The following EPG5 variants were observed in gnomAD, a reference collection of about 807,000 sequenced individuals.
The protein encoded by EPG5 is ectopic P granules protein 5 homolog.
In EPG5, 159 loss-of-function variants were observed where a neutral mutation model predicts 302.7. The ratio of observed to expected loss-of-function variants is 0.53; its 90% confidence interval spans 0.46 to 0.60. EPG5 has a LOEUF of 0.60. Ranked by LOEUF, EPG5 falls within the 20% of genes least tolerant of loss-of-function variation. EPG5 has a pLI of 0.00. For missense variants in EPG5, 2,896 were observed against 3,092.4 expected, an observed-to-expected ratio of 0.94 and a Z score of 1.51; for synonymous variants, 1,158 against 1,136.8, an observed-to-expected ratio of 1.02 and a Z score of -0.37.
chr18:45,912,927 A>T (rs1413724943), intron 21 of EPG5, among the ~76,000 whole-genome samples: 1 of 152,088 alleles, frequency 6.6e-6, no homozygotes, highest in African/African-American at 2.4e-5. Flanking sequence ...GTCTCTACTA[A>T]AAATAGAAAA....
At position 45,949,550 on chromosome 18, in the gene EPG5, G is replaced by A. The variant is rs1264718951; in HGVS notation, c.1431C>T (p.Leu477=). 6.2e-7 allele frequency: 1 copy of A among 1,613,424 alleles called. No homozygotes were observed. Among genetic ancestry groups the A allele is most frequent in the African/African-American group, 1.3e-5 (1 of 75,036 alleles). The change falls in exon 5 of 44, where the codon CTC becomes CTT. Residue 477 remains leucine, a synonymous_variant. Transcript: ENST00000282041. ...ATCGAAGAATATGGTTTAGAAGGAA[G>A]AGGTGATCTCCAGGACAGCCAACTC... is the stretch of plus-strand genomic sequence containing the variant. ...LQRVGCPGDH[L]FLLNHILRCP...
At chr18:45,842,460 A>T in the EPG5 span, 1 of 440,782 alleles carries the variant, frequency 2.3e-6, no homozygotes, top group Non-Finnish European at 4.1e-6. Context: ...AGAGAGAGAG[A>T]GTACACGCAT....
intron 40 of EPG5, 66 bp from the exon 41 acceptor site, chr18:45,858,848 A>G (rs1335132402): frequency 2.4e-6 from 3 of 1,227,920 alleles, no homozygotes; most frequent in Non-Finnish European, 3.5e-6. Flanking sequence ...ACTCTAGCAA[A>G]TATTTTCACT....
At chr18:45,908,928 G>A (rs1319721037) in intron 23 of EPG5, among the ~76,000 whole-genome samples, 1 of 150,130 alleles carries the variant, frequency 6.7e-6, no homozygotes, top group Non-Finnish European at 1.5e-5. Context: ...CAGCCTGGGT[G>A]ACAGAGCAAG....
In EPG5 at chr18:45,922,510, G is replaced by T; in HGVS notation, c.2929C>A (p.Leu977Met). The change falls in exon 16 of 44, where the codon CTG (leucine) becomes ATG (methionine). Residue 977 changes from leucine to methionine, a missense_variant. Around this residue, in one of 5 missense-constraint regions of EPG5, gnomAD observed 1,390 missense variants for 1,430.0 expected, o/e 0.97. Transcript: ENST00000282041. ...TGTATTCCATAATCGTTTTTGTGCA[G>T]TTTTAGCCTCAAGATTAAATTCCAG... ...WAWNLILRLK[L>M]HKNDYGIQPN... 6.2e-7 allele frequency: 1 copy of T among 1,614,232 alleles called. No homozygotes were observed. Among genetic ancestry groups the T allele is most frequent in the Non-Finnish European group, 8.5e-7 (1 of 1,180,038 alleles).
At chr18:45,900,226 C>A (rs1352326939) in intron 26 of EPG5, among the ~76,000 whole-genome samples, 1 of 151,972 alleles carries the variant, frequency 6.6e-6, no homozygotes, top group Non-Finnish European at 1.5e-5. Context: ...CACAGTGAAA[C>A]CCCATCTCTA....
chr18:45,900,376 G>A (rs2049583106), intron 26 of EPG5, among the ~76,000 whole-genome samples: 2 of 140,746 alleles, frequency 1.4e-5, no homozygotes, highest in Admixed American at 1.6e-4. Flanking sequence ...CACCACTCCA[G>A]CCTGGGCGAC....
At position 45,912,316 on chromosome 18, in the gene EPG5, A is replaced by G; in HGVS notation, c.3957T>C (p.Tyr1319=). 1 of 1,605,166 alleles carries G rather than the reference A, an allele frequency of 6.2e-7. No individual in the cohort carries two copies. Among genetic ancestry groups the G allele is most frequent in the Non-Finnish European group, 8.5e-7 (1 of 1,177,266 alleles). ...PLIWQKFFLL[Y]LHRPGPQYGL... The stretch of plus-strand genomic sequence containing the variant: ...CATACTGTGGTCCCGGACGGTGAAG[A>G]TACAGAAGGAAGAACTTCTGCCAAA... Residue 1319 remains tyrosine, a synonymous_variant, in exon 22 of 44, where the codon TAT becomes TAC. Coordinates refer to ENST00000282041, the MANE Select transcript of EPG5 (RefSeq NM_020964.3).
In EPG5 at chr18:45,887,813, C is replaced by G. The variant is rs1398320709; in HGVS notation, c.5047G>C (p.Glu1683Gln). ...CTTGTTGGGGGATGACGCTGCGTCTCATCGCTGACGTAATCCACAATAGTA... is the reference window on the plus strand; with the variant it reads ...CTTGTTGGGGGATGACGCTGCGTCTGATCGCTGACGTAATCCACAATAGTA... ...FFTIVDYVSD[E>Q]TQRHPPTRQF... Residue 1683 changes from glutamate (E) to glutamine (Q), a missense_variant, in exon 29 of 44, where the codon GAG (glutamate) becomes CAG (glutamine). Around this residue, in one of 5 missense-constraint regions of EPG5, gnomAD observed 790 missense variants for 798.0 expected, o/e 0.99. Coordinates refer to ENST00000282041, the MANE Select transcript of EPG5 (RefSeq NM_020964.3). 5 of 1,604,488 alleles carry G rather than the reference C, an allele frequency of 3.1e-6. No homozygotes were observed. The East Asian group carries it at 1.1e-4, about 36-fold the overall frequency.
chr18:45,878,992 A>G (rs759493759), intron 33 of EPG5, 21 bp downstream of exon 33: 8 of 1,604,832 alleles, frequency 5.0e-6, no homozygotes, highest in African/African-American at 1.3e-5. Context: ...CTAGCTCCAC[A>G]TCGCATGAGA....
Position 45,888,108 on chromosome 18 carries a change from T to C in EPG5, c.4953-201A>G, listed in dbSNP as rs116136727. ...TGACAACTGATTTTCTTTTTTTTTT[T>C]CTTTTTGGGGTGGGGGAGACAGAGT... is the stretch of plus-strand genomic sequence containing the variant. On this transcript the variant is annotated intron_variant, in intron 28 of 43. Coordinates refer to ENST00000282041, the MANE Select transcript of EPG5 (RefSeq NM_020964.3). Among the ~76,000 whole-genome samples, 1,052 of 151,962 alleles carry C rather than the reference T, an allele frequency of 6.9e-3. 12 individuals are homozygous for C. Among genetic ancestry groups the C allele is most frequent in the African/African-American group, 0.023 (972 of 41,466 alleles).
At position 45,893,723 on chromosome 18, in the gene EPG5, TAG is replaced by T. The variant is rs2049404987; in HGVS notation, c.4810-3785_4810-3784del. On this transcript the variant is annotated intron_variant, in intron 27 of 43. Coordinates refer to ENST00000282041, the MANE Select transcript of EPG5 (RefSeq NM_020964.3). ...CTGAATATTTGGGAGACATTTACAC[TAG>T]AGTAAAAATATACAGTAAGCAGTGT... Among the ~76,000 whole-genome samples the T allele has an allele frequency of 2.0e-5, 3 of 152,234 alleles. No homozygotes were observed. In the South Asian group the frequency reaches 6.2e-4, roughly 32 times the overall value.
In EPG5 at chr18:45,910,549, A is replaced by T; in HGVS notation, c.4177T>A (p.Ser1393Thr). 1 of 1,612,412 alleles carries T rather than the reference A, an allele frequency of 6.2e-7. No individual in the cohort carries two copies. Among genetic ancestry groups the T allele is most frequent in the Non-Finnish European group, 8.5e-7 (1 of 1,179,462 alleles). Residue 1393 changes from serine (S) to threonine (T), a missense_variant, in exon 23 of 44, where the codon TCA (serine) becomes ACA (threonine). Ser to Thr is a moderately conservative substitution (Grantham distance 58). Transcript: ENST00000282041. The part of the protein sequence containing the change: ...SHSGTPGYLT[S>T]PELHKELVRL... ...ACCAGCTCCTTGTGCAGTTCTGGTG[A>T]AGTCAGGTAACCAGGGGTGCCAGAG...
At chr18:45,926,816 G>GAAA (rs67892830) in intron 13 of EPG5, among the ~76,000 whole-genome samples, 1 of 142,566 alleles carries the variant, frequency 7.0e-6, no homozygotes, top group Non-Finnish European at 1.5e-5. Flanking sequence ...TGTCTTGGGA[G>GAAA]AAAAAAAAAA....
At position 45,882,310 on chromosome 18, in the gene EPG5, C is replaced by T; in HGVS notation, c.5482G>A (p.Asp1828Asn). ...WTYLLLYQFP[D>N]QYSDILRLLM... ...AGCCTGAGAATGTCACTGTACTGGT[C>T]AGGAAACTGGTAGAGAAGAAGATAA... The change falls in exon 31 of 44, where the codon GAC (aspartate) becomes AAC (asparagine). Residue 1828 changes from aspartate to asparagine, a missense_variant. Physicochemically the swap from Asp to Asn is conservative, Grantham distance 23 (BLOSUM62 1). This residue lies in a region of EPG5 where 790 missense variants were observed against 798.0 expected (regional missense o/e 0.99). Transcript: ENST00000282041. 6.2e-7 allele frequency: 1 copy of T among 1,614,064 alleles called. No individual in the cohort carries two copies. Among genetic ancestry groups the T allele is most frequent in the Non-Finnish European group, 8.5e-7 (1 of 1,180,018 alleles).
the EPG5 span, among the ~76,000 whole-genome samples, chr18:45,834,334 T>C: frequency 9.2e-5 from 14 of 152,240 alleles, 1 homozygote; most frequent in East Asian, 1.2e-3. Context: ...TAGAACCAGA[T>C]AGATGTGGTC....
At chr18:45,910,968 C>T (rs2049878545) in intron 22 of EPG5, among the ~76,000 whole-genome samples, 1 of 151,902 alleles carries the variant, frequency 6.6e-6, no homozygotes, top group African/African-American at 2.4e-5. Flanking sequence ...TTTAAGACAT[C>T]ACTACTTAGA....
At chr18:45,840,169 C>A in the EPG5 span, 19 of 1,609,212 alleles carry the variant, frequency 1.2e-5, no homozygotes, top group Admixed American at 1.7e-5. Context: ...CTGCAGACTG[C>A]GGTGGAGATT....
chr18:45,934,729 C>T (rs1180014345), intron 11 of EPG5, 80 bp downstream of exon 11: 8 of 1,479,862 alleles, frequency 5.4e-6, no homozygotes, highest in Middle Eastern at 2.3e-4. Flanking sequence ...CTTAGTCCTT[C>T]TAAAAGTAAA....
Sources: allele counts gnomAD v4.1 joint callset (sites outside exome capture counted in the v4.1 genomes callset), GRCh38; gene constraint gnomAD v4.1.1; regional missense constraint gnomAD v4.1.1; transcripts MANE v1.5; gene names NCBI Gene and HGNC (gene_info 2026-07-23, HGNC 2026-07-21).